Variants in CHN2 observed in about 807,000 individuals in gnomAD.
The protein encoded by CHN2 is beta-chimaerin.
In CHN2, 35 loss-of-function variants were observed where a neutral mutation model predicts 56.3. The observed-to-expected ratio is 0.62, with a 90% CI of 0.47 to 0.82. The LOEUF (loss-of-function observed/expected upper bound fraction) is 0.82. Among genes scored for constraint, CHN2 ranks in the 40% least tolerant of loss-of-function variants. The pLI is 0.00. For synonymous variants in CHN2, 210 were observed against 212.8 expected (o/e 0.99, Z 0.12); for missense variants, 491 against 580.5 (o/e 0.85, Z 1.58).
intron 1 of CHN2, among the ~76,000 whole-genome samples, chr7:29,336,684 C>G (rs956413173): frequency 7.0e-6 from 1 of 143,748 alleles, no homozygotes; most frequent in South Asian, 2.2e-4. Context: ...CTCTATAGCC[C>G]AGGAGTCTGA....
At chr7:29,151,720 C>T (rs1793622356) in intron 2 of CHN2, among the ~76,000 whole-genome samples, 1 of 152,082 alleles carries the variant, frequency 6.6e-6, no homozygotes, top group Non-Finnish European at 1.5e-5. Context: ...CATCTGAATC[C>T]CAGCTCAGCC....
intron 6 of CHN2, among the ~76,000 whole-genome samples, chr7:29,401,751 G>T (rs1200935257): frequency 6.6e-6 from 1 of 152,222 alleles, no homozygotes; most frequent in Middle Eastern, 3.2e-3. Context: ...TATGCAGGCG[G>T]GGGGTAGATT....
At chr7:29,218,608 G>A (rs917256264) in intron 1 of CHN2, among the ~76,000 whole-genome samples, 9 of 152,054 alleles carry the variant, frequency 5.9e-5, no homozygotes, top group African/African-American at 9.7e-5. Context: ...ATACACCATG[G>A]AATACTATGC....
intron 6 of CHN2, among the ~76,000 whole-genome samples, chr7:29,475,997 G>T (rs983921489): frequency 7.2e-5 from 11 of 152,296 alleles, no homozygotes; most frequent in Middle Eastern, 3.4e-3. Flanking sequence ...AATGCCATTG[G>T]ATTTTACATT....
rs1436832898 is a variant in CHN2 at position 29,331,734 on chromosome 7, G to A, written c.50-22891G>A. On this transcript the variant is annotated intron_variant, in intron 1 of 12. Coordinates refer to ENST00000222792, the MANE Select transcript of CHN2 (RefSeq NM_004067.4). Reference sequence around the variant, plus strand: ...GGAGAGGGAAGGAGTGCAGAGGGTGGTTAAAAGAACACAAGTGCAATGTTC... The same window carrying A: ...GGAGAGGGAAGGAGTGCAGAGGGTGATTAAAAGAACACAAGTGCAATGTTC... Among the ~76,000 whole-genome samples the A allele has an allele frequency of 4.6e-5, 7 of 152,280 alleles. No homozygotes were observed. The East Asian group carries it at 9.7e-4, about 21-fold the overall frequency.
intron 3 of CHN2, among the ~76,000 whole-genome samples, chr7:29,390,301 G>A (rs1471403792): frequency 6.6e-6 from 1 of 152,128 alleles, no homozygotes; most frequent in Non-Finnish European, 1.5e-5. Flanking sequence ...AAAAGAATGA[G>A]CTGCTTTCAC....
intron 1 of CHN2, chr7:29,197,965 G>A (rs71539588): frequency 2.2e-6 from 1 of 456,286 alleles, no homozygotes; most frequent in East Asian, 6.9e-5. Flanking sequence ...GAAGAGCTTA[G>A]GTAAAGGCCT....
chr7:29,373,941 T>C (rs1313261871), intron 3 of CHN2, among the ~76,000 whole-genome samples: 2 of 152,170 alleles, frequency 1.3e-5, no homozygotes, highest in Non-Finnish European at 2.9e-5. Flanking sequence ...ACAAAGTGCA[T>C]TTGGGGGAAC....
intron 1 of CHN2, among the ~76,000 whole-genome samples, chr7:29,256,859 C>T (rs777980196): frequency 2.0e-5 from 3 of 152,154 alleles, no homozygotes; most frequent in Non-Finnish European, 4.4e-5. Flanking sequence ...CCTCTGTTAA[C>T]CAAAGACCTT....
At chr7:29,206,933 C>T (rs530272878) in intron 1 of CHN2, among the ~76,000 whole-genome samples, 16 of 152,262 alleles carry the variant, frequency 1.1e-4, no homozygotes, top group African/African-American at 2.9e-4. Context: ...TTGTCCCCTG[C>T]GGCTGAGAGG....
At chr7:29,495,865 C>T (rs1042435252) in intron 7 of CHN2, 87 bp from the exon 8 acceptor site, 2 of 1,076,974 alleles carry the variant, frequency 1.9e-6, no homozygotes, top group Non-Finnish European at 2.8e-6. Context: ...GGGGATCGCT[C>T]CTGCTGATCT....
At chr7:29,290,833 A>C (rs1351981008) in intron 1 of CHN2, among the ~76,000 whole-genome samples, 1 of 152,182 alleles carries the variant, frequency 6.6e-6, no homozygotes, top group Non-Finnish European at 1.5e-5. Flanking sequence ...AGACCAATGC[A>C]AGTTTTAGAG....
chr7:29,454,161 G>A (rs1784590544), intron 6 of CHN2, among the ~76,000 whole-genome samples: 1 of 152,186 alleles, frequency 6.6e-6, no homozygotes, highest in South Asian at 2.1e-4. Flanking sequence ...ATTTGAACTG[G>A]ATCATAAAGG....
chr7:29,373,229 T>G (rs1585190522), intron 3 of CHN2, among the ~76,000 whole-genome samples: 1 of 149,806 alleles, frequency 6.7e-6, no homozygotes. Flanking sequence ...CGAGCTGGAG[T>G]GCAGTGGCGC....
chr7:29,438,179 G>C, intron 6 of CHN2, among the ~76,000 whole-genome samples: 1 of 152,254 alleles, frequency 6.6e-6, no homozygotes. Context: ...GCAGGAAGCA[G>C]TTCCCAAGGG....
At chr7:29,260,118 C>T (rs1428848065) in intron 1 of CHN2, among the ~76,000 whole-genome samples, 2 of 152,110 alleles carry the variant, frequency 1.3e-5, no homozygotes, top group Non-Finnish European at 2.9e-5. Context: ...GCTGGAATTA[C>T]AGGCACCCAC....
At chr7:29,194,765 C>A, upstream of CHN2, 1 of 473,032 alleles carries the variant, frequency 2.1e-6, no homozygotes, top group Non-Finnish European at 3.5e-6. Context: ...GCGGCGGCAG[C>A]GCGTCATCTG....
At chr7:29,480,891 A>AG (rs3841173) in intron 7 of CHN2, among the ~76,000 whole-genome samples, 2 of 126,524 alleles carry the variant, frequency 1.6e-5, no homozygotes, top group African/African-American at 2.8e-5. Context: ...TACGGCTAGC[A>AG]GGGGGGGCAC....
At chr7:29,381,011 G>T (rs1248238504) in intron 3 of CHN2, among the ~76,000 whole-genome samples, 2 of 152,132 alleles carry the variant, frequency 1.3e-5, no homozygotes, top group Non-Finnish European at 2.9e-5. Flanking sequence ...TTGCACTGAA[G>T]ACCAAAAGAA....
Sources: gnomAD v4.1 joint callset for allele counts (sites outside exome capture counted in the v4.1 genomes callset) on GRCh38, gnomAD v4.1.1 for gene constraint, MANE v1.5 for transcripts, NCBI Gene and HGNC (gene_info 2026-07-23, HGNC 2026-07-21) for gene names.